PTRH1: variants seen among roughly 807,000 people sequenced by gnomAD.
The protein encoded by PTRH1 is peptidyl-tRNA hydrolase.
In PTRH1, 13 loss-of-function variants were observed where a neutral mutation model predicts 15.7. The observed-to-expected ratio is 0.83, with a 90% CI of 0.54 to 1.31. PTRH1 has a LOEUF of 1.31. PTRH1 is among the 40% of genes most tolerant of loss of function. The pLI is 0.00. For missense variants in PTRH1, 319 were observed against 296.2 expected (o/e 1.08, Z -0.56); for synonymous variants, 139 against 136.7 (o/e 1.02, Z -0.12).
chr9:127,708,668 G>A (rs1842699634), intron 1 of PTRH1, among the ~76,000 whole-genome samples: 2 of 152,174 alleles, frequency 1.3e-5, no homozygotes, highest in Admixed American at 1.3e-4. Flanking sequence ...GTTATTGGGT[G>A]CTTACTATTT....
chr9:127,699,170 C>T (rs1036050072), intron 1 of PTRH1, among the ~76,000 whole-genome samples: 3 of 152,210 alleles, frequency 2.0e-5, no homozygotes, highest in African/African-American at 7.2e-5. Flanking sequence ...GTGTGAACCA[C>T]CGCGCCCGGC....
downstream of PTRH1, chr9:127,711,895 C>T (rs1445661007): frequency 6.3e-7 from 1 of 1,599,592 alleles, no homozygotes; most frequent in Admixed American, 1.7e-5. Flanking sequence ...GCGCCTCCTG[C>T]TGAGCCAGTT....
At chr9:127,712,812 C>T (rs370613192), downstream of PTRH1, 61 of 1,614,032 alleles carry the variant, frequency 3.8e-5, no homozygotes, top group East Asian at 2.2e-5. Flanking sequence ...ACTGTGGCCA[C>T]GAGACCTCAG....
intron 1 of PTRH1, among the ~76,000 whole-genome samples, chr9:127,698,949 G>A (rs1471760662): frequency 2.7e-5 from 4 of 147,832 alleles, no homozygotes; most frequent in Admixed American, 1.4e-4. Flanking sequence ...CGCCCAGGCT[G>A]GAGTGCAGCG....
intron 1 of PTRH1, among the ~76,000 whole-genome samples, chr9:127,699,681 G>A (rs1480716124): frequency 6.6e-6 from 1 of 151,906 alleles, no homozygotes; most frequent in Non-Finnish European, 1.5e-5. Context: ...TAGGATGAAA[G>A]ACTGTGCTGA....
Position 127,707,238 on chromosome 9 carries a change from C to A in PTRH1, c.205+8197G>T, listed in dbSNP as rs1588387466. 5 of 1,590,748 alleles carry A rather than the reference C, an allele frequency of 3.1e-6. No individual in the cohort carries two copies. The East Asian group carries it at 1.1e-4, about 36-fold the overall frequency. On this transcript the variant is annotated intron_variant, in intron 1 of 2. Coordinates refer to the PTRH1 transcript ENST00000335223. ...GAGTCTGGTGCCCTGGGTCAGAAGC[C>A]CATGCCCAGGTGGCCCCCATGCAGG...
chr9:127,705,949 C>G lies in PTRH1; in HGVS notation c.205+9486G>C, dbSNP rs141085115. ...GCACCCTGGGAAGGGCAGACCACCA[C>G]AGGCGAGGTCCAGGGCTGTCGGAAA... On this transcript the variant is annotated intron_variant, in intron 1 of 2. Transcript: ENST00000335223. This position sits in a 1 kb window ranked among gnomAD's most constrained non-coding sequence, Gnocchi z 4.7. 6.6e-6 allele frequency among the ~76,000 whole-genome samples: 1 copy of G among 152,260 alleles called. No individual in the cohort carries two copies. Among genetic ancestry groups the G allele is most frequent in the African/African-American group, 2.4e-5 (1 of 41,466 alleles).
intron 1 of PTRH1, among the ~76,000 whole-genome samples, chr9:127,704,333 C>T (rs1051069329): frequency 4.6e-5 from 7 of 151,548 alleles, no homozygotes; most frequent in Non-Finnish European, 1.0e-4. Context: ...GATGAAACTC[C>T]GTCTCCACCA....
rs528935506 is a variant in PTRH1 at position 127,705,152 on chromosome 9, T to C, written c.206-10011A>G. 6.6e-6 allele frequency among the ~76,000 whole-genome samples: 1 copy of C among 152,266 alleles called. No homozygotes were observed. The highest frequency in any genetic ancestry group is 2.1e-4 in the South Asian group (1 of 4,828). On this transcript the variant is annotated intron_variant, in intron 1 of 2. Coordinates refer to the PTRH1 transcript ENST00000335223. This position sits in a 1 kb window ranked among gnomAD's most constrained non-coding sequence, Gnocchi z 4.7. Reference sequence around the variant, plus strand: ...CAGTGCCCCAGGCCACTGTCCACTGTCCTTGGCCGGTGCTGCAGTCTGCAT... The same window carrying C: ...CAGTGCCCCAGGCCACTGTCCACTGCCCTTGGCCGGTGCTGCAGTCTGCAT...
downstream of PTRH1, chr9:127,712,980 C>A (rs1326448071): frequency 1.2e-6 from 2 of 1,603,716 alleles, no homozygotes; most frequent in Non-Finnish European, 1.7e-6. Context: ...AGAAACCTGG[C>A]TCGCCGAAGG....
rs371520904 is a variant in PTRH1 at position 127,708,096 on chromosome 9, T to C, written c.205+7339A>G. Among the ~76,000 whole-genome samples the C allele has an allele frequency of 5.3e-5, 8 of 152,286 alleles. No individual in the cohort carries two copies. In the East Asian group the frequency reaches 1.4e-3, roughly 26 times the overall value. On this transcript the variant is annotated intron_variant, in intron 1 of 2. Transcript: ENST00000335223. ...GAGCCCTGGCCTCCTGACTCCCCTA[T>C]GCAAGACTGCTTCCTCAGCCCCCAC... is the stretch of plus-strand genomic sequence containing the variant.
Position 127,706,914 on chromosome 9 carries a change from G to A in PTRH1, c.205+8521C>T. 5 of 1,244,686 alleles carry A rather than the reference G, an allele frequency of 4.0e-6. No homozygotes were observed. The South Asian group carries it at 5.7e-5, about 14-fold the overall frequency. 77.1% of individuals were successfully genotyped at this position (1,244,686 alleles called of 1,614,324 possible). On this transcript the variant is annotated intron_variant, in intron 1 of 2. Coordinates refer to the PTRH1 transcript ENST00000335223. ...CTGGTACCGGCACCCAGCAAGAAGA[G>A]GGCAGGGTCCCTTTAAGCCCAGCCT... is the stretch of plus-strand genomic sequence containing the variant.
downstream of PTRH1, chr9:127,709,283 A>T: frequency 6.1e-6 from 5 of 817,932 alleles, no homozygotes; most frequent in Non-Finnish European, 7.6e-6. The surrounding 1 kb of genome is among the most constrained non-coding windows in gnomAD (Gnocchi z 4.7). Flanking sequence ...GCATAGTGGG[A>T]GATGAGGCTG....
downstream of PTRH1, chr9:127,713,537 C>G: frequency 5.3e-6 from 1 of 187,460 alleles, no homozygotes; most frequent in Non-Finnish European, 9.6e-6. Context: ...GACAGAGTCT[C>G]ACTCTGTCAC....
chr9:127,711,114 G>A (rs1188744461), downstream of PTRH1: 1 of 1,339,080 alleles, frequency 7.5e-7, no homozygotes, highest in Non-Finnish European at 1.0e-6. Context: ...CCCTCCCAGG[G>A]AGAGAGCATG....
intron 2 of PTRH1, among the ~76,000 whole-genome samples, chr9:127,694,672 A>G (rs1842540742): frequency 1.3e-5 from 2 of 152,018 alleles, no homozygotes; most frequent in South Asian, 4.2e-4. Context: ...ACAGGCCCCC[A>G]GCAGTCTCTG....
chr9:127,695,116 CTGT>C (rs1467970094), exon 2 of PTRH1: 1 of 701,112 alleles, frequency 1.4e-6, no homozygotes, highest in Non-Finnish European at 2.6e-6. Context: ...GATGCTGCTG[CTGT>C]TGACGATGAG....
Position 127,706,896 on chromosome 9 carries a change from C to T in PTRH1, c.205+8539G>A, listed in dbSNP as rs534124864. ...TCTGCCTTGGAGTGGGACCTGGTAC[C>T]GGCACCCAGCAAGAAGAGGGCAGGG... On this transcript the variant is annotated intron_variant, in intron 1 of 2. Transcript: ENST00000335223. 72 of 1,030,706 alleles carry T rather than the reference C, an allele frequency of 7.0e-5. No individual in the cohort carries two copies. In the East Asian group the frequency reaches 1.1e-3, roughly 15 times the overall value. The allele number at this position is 1,030,706 out of a possible 1,614,324, so 63.8% of individuals were successfully genotyped here.
At position 127,714,588 on chromosome 9, in the gene PTRH1, A is replaced by G; in HGVS notation, c.416+15T>C. 7 of 1,611,364 alleles carry G rather than the reference A, an allele frequency of 4.3e-6. No homozygotes were observed. Among genetic ancestry groups the G allele is most frequent in the Non-Finnish European group, 5.9e-6 (7 of 1,177,756 alleles). On this transcript the variant is annotated intron_variant, in intron 3 of 4. Transcript: ENST00000543175. ...CTGAAGCCCTATCCCAACCCTGACC[A>G]TCTCAGGACCTCACCTGGCACTGCC...
Sources: gnomAD v4.1 joint callset for allele counts (sites outside exome capture counted in the v4.1 genomes callset) on GRCh38, gnomAD v4.1.1 for gene constraint, Gnocchi (gnomAD v3.1) non-coding constraint, MANE v1.5 for transcripts, NCBI Gene and HGNC (gene_info 2026-07-23, HGNC 2026-07-21) for gene names.